Variants in SLC24A2 observed in about 807,000 individuals in gnomAD.
The protein encoded by SLC24A2 is sodium/potassium/calcium exchanger 2.
Under a neutral mutation model 62.0 loss-of-function variants are expected in SLC24A2, and 36 were observed. That is an observed-to-expected ratio of 0.58 (90% CI 0.44 to 0.77). The LOEUF is 0.77. Ranked by LOEUF, SLC24A2 falls within the 30% of genes least tolerant of loss-of-function variation. The pLI is 0.00. For synonymous variants in SLC24A2, 358 were observed against 294.0 expected (o/e 1.22, Z -2.23); for missense variants, 846 against 817.9 (o/e 1.03, Z -0.42).
the SLC24A2 span, among the ~76,000 whole-genome samples, chr9:20,277,568 A>C: frequency 6.6e-6 from 1 of 152,076 alleles, no homozygotes; most frequent in Non-Finnish European, 1.5e-5. Flanking sequence ...AATGGCAATC[A>C]TTAAAAAGTC....
intron 2 of SLC24A2, among the ~76,000 whole-genome samples, chr9:19,720,699 C>T (rs991699609): frequency 3.6e-5 from 3 of 82,308 alleles, no homozygotes. Flanking sequence ...ACCCCCCCCC[C>T]CAAAAAAAAT....
At chr9:19,887,866 A>AC in the SLC24A2 span, among the ~76,000 whole-genome samples, 1 of 152,344 alleles carries the variant, frequency 6.6e-6, no homozygotes, top group East Asian at 1.9e-4. Flanking sequence ...AACAACCTAG[A>AC]TGGAACTGGA....
At chr9:19,789,054 G>C (rs868796123), upstream of SLC24A2, 9 of 661,526 alleles carry the variant, frequency 1.4e-5, no homozygotes, top group Non-Finnish European at 1.7e-5. Context: ...CTGTGAGCCC[G>C]GCGCTCCGAG....
At chr9:20,294,568 T>A in the SLC24A2 span, among the ~76,000 whole-genome samples, 1 of 152,308 alleles carries the variant, frequency 6.6e-6, no homozygotes, top group Admixed American at 6.5e-5. Context: ...TTAAGATACA[T>A]GTTGAAAATG....
At chr9:20,289,617 C>T in the SLC24A2 span, among the ~76,000 whole-genome samples, 10 of 152,198 alleles carry the variant, frequency 6.6e-5, no homozygotes, top group Non-Finnish European at 1.3e-4. Flanking sequence ...GCACTGAAGA[C>T]AAAGTCAGGC....
intron 10 of SLC24A2, among the ~76,000 whole-genome samples, chr9:19,517,088 T>C (rs1246878837): frequency 6.6e-6 from 1 of 152,220 alleles, no homozygotes; most frequent in African/African-American, 2.4e-5. Context: ...CCCTTTTCAT[T>C]CACCTTTTAA....
intron 2 of SLC24A2, among the ~76,000 whole-genome samples, chr9:19,645,493 G>A (rs1818615865): frequency 6.6e-6 from 1 of 152,116 alleles, no homozygotes; most frequent in South Asian, 2.1e-4. Context: ...CATAAACATG[G>A]TGTGGTTTTT....
At chr9:19,896,288 TG>T in the SLC24A2 span, among the ~76,000 whole-genome samples, 1 of 152,232 alleles carries the variant, frequency 6.6e-6, no homozygotes. Flanking sequence ...AAAGAGCCAA[TG>T]TTTTTTACTT....
intron 7 of SLC24A2, among the ~76,000 whole-genome samples, chr9:19,551,169 C>T (rs10757072): frequency 0.71 from 108,272 of 152,112 alleles, 41,051 homozygotes; most frequent in East Asian, 1. Flanking sequence ...TGGTCACCTG[C>T]TTAACCACAG....
the SLC24A2 span, among the ~76,000 whole-genome samples, chr9:20,209,852 C>T: frequency 6.6e-6 from 1 of 152,154 alleles, no homozygotes; most frequent in Non-Finnish European, 1.5e-5. Context: ...ATAAGAAAGA[C>T]TTTCAAAAGT....
the SLC24A2 span, among the ~76,000 whole-genome samples, chr9:19,939,819 A>G: frequency 4.3e-4 from 65 of 152,334 alleles, no homozygotes; most frequent in African/African-American, 1.5e-3. Context: ...GTAGGTAGAA[A>G]TAAACTGCCA....
intron 10 of SLC24A2, among the ~76,000 whole-genome samples, chr9:19,520,096 G>GT (rs1833117493): frequency 1.3e-5 from 2 of 152,198 alleles, no homozygotes; most frequent in African/African-American, 4.8e-5. Flanking sequence ...TGGAAAGGTG[G>GT]AAGACAGAAC....
chr9:19,922,349 A>T, the SLC24A2 span, among the ~76,000 whole-genome samples: 1 of 152,120 alleles, frequency 6.6e-6, no homozygotes, highest in African/African-American at 2.4e-5. Context: ...GATGTTTTTT[A>T]AAAGCAGCCA....
chr9:20,148,455 G>A, the SLC24A2 span, among the ~76,000 whole-genome samples: 1 of 152,078 alleles, frequency 6.6e-6, no homozygotes, highest in Non-Finnish European at 1.5e-5. Context: ...GTCAAAGGAG[G>A]CATTCCTGCA....
chr9:20,054,179 CTTTTCTT>C, the SLC24A2 span, among the ~76,000 whole-genome samples: 1 of 151,210 alleles, frequency 6.6e-6, no homozygotes, highest in Non-Finnish European at 1.5e-5. Flanking sequence ...TTTTTCTTTT[CTTTTCTT>C]TTATTTTTTA....
At chr9:20,028,135 A>G in the SLC24A2 span, among the ~76,000 whole-genome samples, 4 of 152,198 alleles carry the variant, frequency 2.6e-5, no homozygotes, top group Admixed American at 2.0e-4. Context: ...GAAGCAGAAA[A>G]GAAGGGATTC....
At chr9:20,281,331 T>C in the SLC24A2 span, among the ~76,000 whole-genome samples, 3 of 152,244 alleles carry the variant, frequency 2.0e-5, no homozygotes, top group Admixed American at 1.3e-4. Flanking sequence ...TATTGAAGTA[T>C]ATACTTTTCA....
chr9:20,122,601 G>A, the SLC24A2 span, among the ~76,000 whole-genome samples: 2 of 152,062 alleles, frequency 1.3e-5, no homozygotes, highest in Admixed American at 6.6e-5. Context: ...CAGGAGAATT[G>A]CTTGAACCCA....
At chr9:19,608,848 C>A (rs1033349260) in intron 4 of SLC24A2, among the ~76,000 whole-genome samples, 19 of 152,074 alleles carry the variant, frequency 1.2e-4, no homozygotes, top group African/African-American at 4.6e-4. Flanking sequence ...CACCCCTCGA[C>A]AGGAGAGACT....
Sources: gnomAD v4.1 joint callset for allele counts (sites outside exome capture counted in the v4.1 genomes callset) on GRCh38, gnomAD v4.1.1 for gene constraint, MANE v1.5 for transcripts, NCBI Gene and HGNC (gene_info 2026-07-23, HGNC 2026-07-21) for gene names.